Variants in SCN9A observed in about 807,000 individuals in gnomAD.
SCN9A encodes sodium voltage-gated channel alpha subunit 9.
SCN9A carries 131 observed loss-of-function variants against 187.0 expected under a neutral mutation model. The ratio of observed to expected loss-of-function variants is 0.70; its 90% confidence interval spans 0.61 to 0.81. The LOEUF (loss-of-function observed/expected upper bound fraction) is 0.81. Among genes scored for constraint, SCN9A ranks in the 30% least tolerant of loss-of-function variants. The probability of loss-of-function intolerance (pLI) is 0.00; values close to 1 mark genes in which losing one functional copy is unlikely to be tolerated. For missense variants in SCN9A, 2,252 were observed against 2,396.6 expected (o/e 0.94, Z 1.26); for synonymous variants, 809 against 808.6 (o/e 1.00, Z -0.01).
intron 7 of SCN9A, 64 bp downstream of exon 7, chr2:166,303,026 A>T: frequency 8.4e-7 from 1 of 1,185,254 alleles, no homozygotes; most frequent in South Asian, 1.4e-5. Flanking sequence ...ACATTTCATT[A>T]TTAAAAGAGA....
intron 4 of SCN9A, 44 bp downstream of exon 4, chr2:166,306,466 T>C (rs374872804): frequency 9.1e-7 from 1 of 1,093,294 alleles, no homozygotes; most frequent in African/African-American, 1.6e-5. Flanking sequence ...AAGGATGAAA[T>C]GATAATACCA....
At chr2:166,250,864 C>A (rs1696003982) in intron 18 of SCN9A, among the ~76,000 whole-genome samples, 1 of 152,072 alleles carries the variant, frequency 6.6e-6, no homozygotes, top group African/African-American at 2.4e-5. Context: ...TCCAGAGTTC[C>A]TGATGAACTT....
intron 9 of SCN9A, 90 bp from the exon 10 acceptor site, chr2:166,288,733 T>C: frequency 1.1e-6 from 1 of 925,850 alleles, no homozygotes; most frequent in Non-Finnish European, 1.6e-6. Flanking sequence ...ATCTGACAGT[T>C]TGGTATAATC....
chr2:166,304,023 A>C, intron 6 of SCN9A: 1 of 1,612,044 alleles, frequency 6.2e-7, no homozygotes, highest in East Asian at 2.2e-5. Flanking sequence ...GTTTAACCCC[A>C]CTCTCACCTG....
At chr2:166,309,466 C>G (rs185798678) in intron 2 of SCN9A, among the ~76,000 whole-genome samples, 1 of 152,062 alleles carries the variant, frequency 6.6e-6, no homozygotes, top group East Asian at 1.9e-4. Context: ...ACAATGTATA[C>G]TATGTTATAC....
rs1286057367 is a variant in SCN9A at position 166,215,536 on chromosome 2, A to G, written c.4398+11031T>C. Among the ~76,000 whole-genome samples, 5 of 152,040 alleles carry G rather than the reference A, an allele frequency of 3.3e-5. No individual in the cohort carries two copies. The East Asian group carries it at 9.6e-4, about 29-fold the overall frequency. On this transcript the variant is annotated intron_variant, in intron 24 of 26. Transcript: ENST00000642356. The stretch of plus-strand genomic sequence containing the variant: ...ACCTTTAACTAGACTAACCAAGGGA[A>G]AAAAGACAACTCAAACAATATCTGA...
rs556757188 is a variant in SCN9A, at chr2:166,281,323, T to C, written c.2104+356A>G. Reference sequence around the variant, plus strand: ...ATATGTAATTTGTAAGATTATATAGTGACAGAATCACGTAGCTCTGGGTTA... The same window carrying C: ...ATATGTAATTTGTAAGATTATATAGCGACAGAATCACGTAGCTCTGGGTTA... On this transcript the variant is annotated intron_variant, in intron 13 of 26. Coordinates refer to ENST00000642356, the MANE Select transcript of SCN9A (RefSeq NM_001365536.1). 1.4e-3 allele frequency among the ~76,000 whole-genome samples: 214 copies of C among 152,184 alleles called. 1 individual carries two copies. Among genetic ancestry groups the C allele is most frequent in the Non-Finnish European group, 2.2e-3 (150 of 68,024 alleles).
In SCN9A at chr2:166,215,197, C is replaced by T. The variant is rs148329696; in HGVS notation, c.4399-10733G>A. 2.6e-3 allele frequency among the ~76,000 whole-genome samples: 401 copies of T among 152,140 alleles called. 2 individuals are homozygous for T. Among genetic ancestry groups the T allele is most frequent in the African/African-American group, 9.1e-3 (377 of 41,526 alleles). On this transcript the variant is annotated intron_variant, in intron 24 of 26. Coordinates refer to ENST00000642356, the MANE Select transcript of SCN9A (RefSeq NM_001365536.1). ...ATTAAACAACATGCTCCTGAACAGG[C>T]AATGGGTCAAAGAAGAAATTATACG...
At chr2:166,358,559 A>C (rs1700206942) in intron 1 of SCN9A, among the ~76,000 whole-genome samples, 1 of 152,092 alleles carries the variant, frequency 6.6e-6, no homozygotes, top group African/African-American at 2.4e-5. Context: ...TAATAAAATT[A>C]GCTTTTTTTC....
intron 1 of SCN9A, among the ~76,000 whole-genome samples, chr2:166,314,268 C>A (rs900179330): frequency 6.6e-6 from 1 of 152,060 alleles, no homozygotes; most frequent in Non-Finnish European, 1.5e-5. Context: ...GTAAAGAATG[C>A]AGTATCTTGA....
chr2:166,241,655 G>A (rs986021903), intron 19 of SCN9A, among the ~76,000 whole-genome samples: 1 of 141,116 alleles, frequency 7.1e-6, no homozygotes, highest in Non-Finnish European at 1.5e-5. Flanking sequence ...ACCCTGAAAA[G>A]CACCATTTAC....
intron 21 of SCN9A, among the ~76,000 whole-genome samples, chr2:166,231,397 G>T (rs1480268785): frequency 1.3e-5 from 2 of 152,066 alleles, no homozygotes; most frequent in Non-Finnish European, 2.9e-5. Flanking sequence ...AGCAGAGATT[G>T]CAGTCATAAT....
intron 18 of SCN9A, among the ~76,000 whole-genome samples, chr2:166,250,126 T>C (rs1329148414): frequency 1.3e-5 from 2 of 152,164 alleles, no homozygotes; most frequent in Admixed American, 6.5e-5. Context: ...AGAAAATCCA[T>C]GCACTCTTTG....
At chr2:166,310,272 G>C (rs1260525136) in intron 2 of SCN9A, among the ~76,000 whole-genome samples, 1 of 83,858 alleles carries the variant, frequency 1.2e-5, no homozygotes, top group East Asian at 2.4e-4. Flanking sequence ...AAACTAAAGA[G>C]CTTCTGCACA....
intron 24 of SCN9A, among the ~76,000 whole-genome samples, chr2:166,223,719 C>T (rs946649862): frequency 5.3e-5 from 8 of 152,022 alleles, no homozygotes; most frequent in Non-Finnish European, 1.2e-4. Context: ...GCAGGTAGAT[C>T]TCATATTAAG....
intron 24 of SCN9A, among the ~76,000 whole-genome samples, chr2:166,210,954 G>A (rs1398819868): frequency 1.3e-5 from 2 of 151,948 alleles, no homozygotes; most frequent in Non-Finnish European, 2.9e-5. Flanking sequence ...CCAGCTACTC[G>A]GGAGGCTGAG....
chr2:166,232,311 T>C (rs1695119193), intron 21 of SCN9A, among the ~76,000 whole-genome samples: 1 of 152,202 alleles, frequency 6.6e-6, no homozygotes, highest in South Asian at 2.1e-4. Flanking sequence ...GAGTATCTTT[T>C]CAGGCACTCT....
At chr2:166,256,344 T>G (rs1349610912) in intron 17 of SCN9A, among the ~76,000 whole-genome samples, 1 of 151,378 alleles carries the variant, frequency 6.6e-6, no homozygotes, top group East Asian at 1.9e-4. Flanking sequence ...CAATCTTTTT[T>G]TTTTGATATG....
chr2:166,367,638 G>A (rs1700451309), intron 1 of SCN9A, among the ~76,000 whole-genome samples: 1 of 152,030 alleles, frequency 6.6e-6, no homozygotes, highest in African/African-American at 2.4e-5. Context: ...TCTACCTTGG[G>A]GAAGGCCTTT....
Sources: allele counts gnomAD v4.1 joint callset (sites outside exome capture counted in the v4.1 genomes callset), GRCh38; gene constraint gnomAD v4.1.1; transcripts MANE v1.5; gene names NCBI Gene and HGNC (gene_info 2026-07-23, HGNC 2026-07-21).